The following SLC6A12 variants were observed in gnomAD, a reference collection of about 807,000 sequenced individuals.
SLC6A12 encodes solute carrier family 6 member 12.
In SLC6A12, 50 loss-of-function variants were observed where a neutral mutation model predicts 73.3. The observed-to-expected ratio is 0.68, with a 90% CI of 0.54 to 0.86. The LOEUF (loss-of-function observed/expected upper bound fraction) is 0.86, where lower values mean the gene tolerates loss of function less well. Among genes scored for constraint, SLC6A12 ranks in the 40% least tolerant of loss-of-function variants. The probability of loss-of-function intolerance (pLI) is 0.00; values close to 1 mark genes in which losing one functional copy is unlikely to be tolerated. For synonymous variants in SLC6A12, 304 were observed against 309.2 expected (o/e 0.98, Z 0.18); for missense variants, 648 against 772.8 (o/e 0.84, Z 1.92).
chr12:206,054 TTC>T, intron 3 of SLC6A12, among the ~76,000 whole-genome samples: 1 of 152,362 alleles, frequency 6.6e-6, no homozygotes, highest in East Asian at 1.9e-4. Flanking sequence ...TGCACTTTTT[TTC>T]TCTTTGTGTG....
Position 204,446 on chromosome 12 carries a change from G to A in SLC6A12, c.349+118C>T, listed in dbSNP as rs560741450. The stretch of plus-strand genomic sequence containing the variant: ...CATGAAGCCTGATTCTGCACTTGGC[G>A]CAGGATATGGGAGTGAGCGGATGGG... On this transcript the variant is annotated intron_variant, in intron 4 of 15. Coordinates refer to ENST00000684302, the MANE Select transcript of SLC6A12 (RefSeq NM_001122848.3). 3.0e-4 allele frequency: 304 copies of A among 1,019,184 alleles called. 3 individuals carry two copies. The highest frequency in any genetic ancestry group is 1.6e-4 in the Non-Finnish European group (108 of 669,840). The allele number at this position is 1,019,184 out of a possible 1,614,324, so 63.1% of individuals were successfully genotyped here. A position where few individuals can be genotyped will look rare whatever the true frequency, so the allele number is the denominator to read the frequency against.
chr12:201,691 G>C (rs1940271674), intron 6 of SLC6A12, 71 bp downstream of exon 6: 2 of 1,226,130 alleles, frequency 1.6e-6, no homozygotes, highest in Non-Finnish European at 2.4e-6. Flanking sequence ...TTGCACCCCA[G>C]ACATTCAGAC....
At chr12:187,589 C>CAAAAAAAAAAAAAAAA (rs761187495), downstream of SLC6A12, among the ~76,000 whole-genome samples, 49 of 106,024 alleles carry the variant, frequency 4.6e-4, 2 homozygotes, top group South Asian at 1.1e-3. Context: ...TGCAAAAGAG[C>CAAAAAAAAAAAAAAAA]AAAAAAAAAA....
Position 200,254 on chromosome 12 carries a change from G to A in SLC6A12, c.711+397C>T, listed in dbSNP as rs538565890. 6.4e-3 allele frequency among the ~76,000 whole-genome samples: 954 copies of A among 150,112 alleles called. 7 individuals carry two copies. Among genetic ancestry groups the A allele is most frequent in the South Asian group, 0.011 (51 of 4,624 alleles). On this transcript the variant is annotated intron_variant, in intron 7 of 15. Coordinates refer to ENST00000684302, the MANE Select transcript of SLC6A12 (RefSeq NM_001122848.3). ...CTCCTGCATAGCTGGGACTACAGGT[G>A]CCCACCACCACGCCCGGCTAATTTT...
rs61907111 is a variant in SLC6A12 at position 200,164 on chromosome 12, A to G, written c.711+487T>C. On this transcript the variant is annotated intron_variant, in intron 7 of 15. Transcript: ENST00000684302. ...CTGGCTGTCGCCCAGGCTGGAGTGC[A>G]GTGGCGCTATCTCGGCTCACTGCAA... Among the ~76,000 whole-genome samples the G allele has an allele frequency of 4.0e-3, 533 of 134,628 alleles. 2 individuals carry two copies. Among genetic ancestry groups the G allele is most frequent in the Non-Finnish European group, 5.9e-3 (391 of 65,944 alleles). The allele number at this position is 134,628 out of a possible 152,430, so 88.3% of individuals were successfully genotyped here.
rs1565469057 is a variant in SLC6A12, at chr12:197,150, C to CATCTATCCATCT, written c.1075+226_1075+227insAGATGGATAGAT. 5.3e-3 allele frequency among the ~76,000 whole-genome samples: 54 copies of CATCTATCCATCT among 10,146 alleles called. 1 individual carries two copies. In the East Asian group the frequency reaches 0.076, roughly 14 times the overall value. 6.7% of individuals were successfully genotyped at this position (10,146 alleles called of 152,430 possible). On this transcript the variant is annotated intron_variant, in intron 10 of 15. Coordinates refer to ENST00000684302, the MANE Select transcript of SLC6A12 (RefSeq NM_001122848.3). ...CCATCCATCCATCCATCCATCCATCCATCCATCCATCCATCCATCCATCCA... is the reference window on the plus strand; with the variant it reads ...CCATCCATCCATCCATCCATCCATCCATCTATCCATCTATCCATCCATCCATCCATCCATCCA...
chr12:192,854 C>A (rs147122455), intron 14 of SLC6A12, among the ~76,000 whole-genome samples: 1 of 146,436 alleles, frequency 6.8e-6, no homozygotes, highest in African/African-American at 2.6e-5. Context: ...AAGGGAGGGG[C>A]TCGGAAGAGC....
rs10582500 is a variant in SLC6A12, at chr12:203,059, CTTTTTTTTTTTT to C, written c.350-191_350-180del. On this transcript the variant is annotated intron_variant, in intron 4 of 15. Transcript: ENST00000684302. ...CATATTTTTCTTTCTTTTTTCTTTT[CTTTTTTTTTTTT>C]TTTTTTTTTTTTTGAGATGGAGTCT... Among the ~76,000 whole-genome samples, 397 of 68,350 alleles carry C rather than the reference CTTTTTTTTTTTT, an allele frequency of 5.8e-3. 1 individual carries two copies. The highest frequency in any genetic ancestry group is 0.023 in the African/African-American group (360 of 15,918). 44.8% of individuals were successfully genotyped at this position (68,350 alleles called of 152,430 possible).
chr12:187,706 T>C (rs958923615), downstream of SLC6A12, among the ~76,000 whole-genome samples: 1 of 149,420 alleles, frequency 6.7e-6, no homozygotes, highest in African/African-American at 2.5e-5. Context: ...GGCAGCCTGC[T>C]TTTATTCTCT....
rs748353817 is a variant in SLC6A12, at chr12:191,211, G to A, written c.1702C>T (p.Arg568Cys). 9.5e-6 allele frequency: 12 copies of A among 1,266,736 alleles called. No homozygotes were observed. The highest frequency in any genetic ancestry group is 7.0e-5 in the South Asian group (2 of 28,460). The allele number at this position is 1,266,736 out of a possible 1,614,324, so 78.5% of individuals were successfully genotyped here. Residue 568 changes from arginine (R) to cysteine (C), a missense_variant and splice_region_variant, in exon 16 of 16, where the codon CGT becomes TGT. Coordinates refer to ENST00000684302, the MANE Select transcript of SLC6A12 (RefSeq NM_001122848.3). Reference sequence around the variant, plus strand: ...TCAGGGGTGATGAGCTGACGCAGACGCTGTGGAGAGAAGAGGCAGGGATTT... The same window carrying A: ...TCAGGGGTGATGAGCTGACGCAGACACTGTGGAGAGAAGAGGCAGGGATTT... ...LLKTRGPFRK[R>C]LRQLITPDSS...
chr12:191,067 C>G lies in SLC6A12; in HGVS notation c.*1G>C, dbSNP rs1035741280. On this transcript the variant is annotated 3_prime_UTR_variant, in exon 16 of 16. Transcript: ENST00000684302. ...GGAGCCGCCTGGCCTCTGGCCACAC[C>G]CTACAAATGGGTCTCCTTCTCCCCG... 12 of 1,317,516 alleles carry G rather than the reference C, an allele frequency of 9.1e-6. No individual in the cohort carries two copies. The highest frequency in any genetic ancestry group is 1.1e-5 in the Non-Finnish European group (11 of 1,022,784). The allele number at this position is 1,317,516 out of a possible 1,614,324, so 81.6% of individuals were successfully genotyped here.
chr12:201,942 C>G (rs1030499923), intron 5 of SLC6A12, 93 bp from the exon 6 acceptor site: 2 of 1,021,886 alleles, frequency 2.0e-6, no homozygotes, highest in African/African-American at 3.2e-5. Context: ...GTGGTCCTCA[C>G]CACTCCTAGC....
At chr12:208,154 C>G (rs892469902) in intron 3 of SLC6A12, among the ~76,000 whole-genome samples, 5 of 152,182 alleles carry the variant, frequency 3.3e-5, no homozygotes, top group African/African-American at 9.7e-5. Context: ...TAAAGGAGGG[C>G]TTAGTCTGAG....
At chr12:200,166 T>A (rs536283273) in intron 7 of SLC6A12, among the ~76,000 whole-genome samples, 2 of 144,192 alleles carry the variant, frequency 1.4e-5, no homozygotes, top group African/African-American at 5.2e-5. Context: ...TGGAGTGCAG[T>A]GGCGCTATCT....
chr12:186,185 CAA>C (rs1303460681), downstream of SLC6A12, among the ~76,000 whole-genome samples: 1 of 152,104 alleles, frequency 6.6e-6, no homozygotes, highest in African/African-American at 2.4e-5. Context: ...GCCTGACTCT[CAA>C]AGAGGGTGAC....
At chr12:200,298 C>CG (rs536348195) in intron 7 of SLC6A12, among the ~76,000 whole-genome samples, 333 of 151,196 alleles carry the variant, frequency 2.2e-3, no homozygotes, top group African/African-American at 7.5e-3. Flanking sequence ...TTAGTAGAGA[C>CG]GGGGTTTTAC....
rs767988618 is a variant in SLC6A12, at chr12:204,594, CTG to C, written c.317_318del (p.Thr106SerfsTer45). On this transcript the variant is annotated frameshift_variant, in exon 4 of 16. Transcript: ENST00000684302. LOFTEE classifies it high-confidence loss of function. ...AAGAGGGGGCAGATCTTCCTCCAGG[CTG>C]TGACACTCCCTTGGCTGGTGTATTG... ...LGQYTSQGSV[T>X]AWRKICPLFQ... 5.6e-6 allele frequency: 9 copies of C among 1,614,100 alleles called. No homozygotes were observed. Among genetic ancestry groups the C allele is most frequent in the Non-Finnish European group, 6.8e-6 (8 of 1,180,040 alleles).
intron 9 of SLC6A12, 104 bp from the exon 10 acceptor site, chr12:197,605 A>G: frequency 8.3e-7 from 1 of 1,205,368 alleles, no homozygotes; most frequent in Non-Finnish European, 1.1e-6. Flanking sequence ...GAGGGGACCA[A>G]GGAGAGAGAA....
chr12:188,063 A>G (rs547882722), downstream of SLC6A12, among the ~76,000 whole-genome samples: 287 of 152,306 alleles, frequency 1.9e-3, 3 homozygotes, highest in Non-Finnish European at 3.2e-3. Context: ...CACCCAGTGG[A>G]TCCCTCACTG....
Sources: gnomAD v4.1 joint callset for allele counts (sites outside exome capture counted in the v4.1 genomes callset) on GRCh38, gnomAD v4.1.1 for gene constraint, MANE v1.5 for transcripts, NCBI Gene and HGNC (gene_info 2026-07-23, HGNC 2026-07-21) for gene names.